PTPRN2: variants seen among roughly 807,000 people sequenced by gnomAD.
PTPRN2 encodes receptor-type tyrosine-protein phosphatase N2.
In PTPRN2, 74 loss-of-function variants were observed where a neutral mutation model predicts 118.8. That is an observed-to-expected ratio of 0.62 (90% CI 0.52 to 0.76). PTPRN2 has a LOEUF of 0.76. Among genes scored for constraint, PTPRN2 ranks in the 30% least tolerant of loss-of-function variants. PTPRN2 has a pLI of 0.00. For missense variants in PTPRN2, 1,481 were observed against 1,394.4 expected (o/e 1.06, Z -0.99); for synonymous variants, 641 against 608.0 (o/e 1.05, Z -0.80).
intron 11 of PTPRN2, among the ~76,000 whole-genome samples, chr7:157,946,154 A>T (rs181894509): frequency 3.3e-5 from 5 of 152,312 alleles, no homozygotes; most frequent in East Asian, 1.9e-4. Flanking sequence ...AGGCAGGATA[A>T]TACGGTCTGG....
chr7:157,601,055 G>C (rs1304097323), intron 16 of PTPRN2, among the ~76,000 whole-genome samples: 2 of 152,232 alleles, frequency 1.3e-5, no homozygotes, highest in Admixed American at 1.3e-4. Flanking sequence ...TGTGTGCTGT[G>C]TTTGAGTGGG....
At chr7:157,836,127 AT>A (rs1235156123) in intron 12 of PTPRN2, among the ~76,000 whole-genome samples, 2 of 152,260 alleles carry the variant, frequency 1.3e-5, no homozygotes, top group Admixed American at 6.5e-5. Context: ...ATAATCAAGT[AT>A]GATAAAATGT....
At chr7:157,973,613 C>T (rs144387133) in intron 11 of PTPRN2, among the ~76,000 whole-genome samples, 1 of 152,296 alleles carries the variant, frequency 6.6e-6, no homozygotes, top group African/African-American at 2.4e-5. Context: ...TATCCTTCTG[C>T]ACAGCAGAGG....
At chr7:158,457,798 GA>G (rs1238219683) in intron 2 of PTPRN2, among the ~76,000 whole-genome samples, 2 of 148,900 alleles carry the variant, frequency 1.3e-5, no homozygotes, top group Non-Finnish European at 2.9e-5. Context: ...AGCGCACGGT[GA>G]GGGGCGTTAA....
intron 12 of PTPRN2, among the ~76,000 whole-genome samples, chr7:157,887,024 C>T (rs78732249): frequency 1.1e-4 from 16 of 140,446 alleles, no homozygotes; most frequent in Middle Eastern, 3.9e-3. Flanking sequence ...AAGCCCACAG[C>T]GGGCCTGTCC....
intron 2 of PTPRN2, among the ~76,000 whole-genome samples, chr7:158,409,116 G>A (rs572077419): frequency 2.6e-5 from 4 of 152,250 alleles, no homozygotes; most frequent in Middle Eastern, 6.8e-3. Flanking sequence ...TTCATGAGAA[G>A]CCCCCGCAGG....
At chr7:158,138,665 G>A in intron 6 of PTPRN2, 150 bp from the exon 7 acceptor site, 2 of 670,014 alleles carry the variant, frequency 3.0e-6, no homozygotes, top group Non-Finnish European at 5.0e-6. Flanking sequence ...AGAGAAGATT[G>A]GGATATTGGA....
intron 11 of PTPRN2, among the ~76,000 whole-genome samples, chr7:157,966,297 C>A (rs1427739145): frequency 6.6e-6 from 1 of 152,108 alleles, no homozygotes; most frequent in Non-Finnish European, 1.5e-5. Flanking sequence ...CATGTCATCA[C>A]CATCACCACC....
chr7:157,755,470 GT>G (rs887850704), intron 12 of PTPRN2, among the ~76,000 whole-genome samples: 80 of 152,256 alleles, frequency 5.3e-4, no homozygotes, highest in African/African-American at 1.8e-3. Context: ...TCACGGGGGG[GT>G]TTGAGAAGTT....
intron 2 of PTPRN2, among the ~76,000 whole-genome samples, chr7:158,399,313 A>T (rs145775446): frequency 0.028 from 4,265 of 152,136 alleles, 85 homozygotes; most frequent in Non-Finnish European, 0.042. Flanking sequence ...ACTGGGAAAA[A>T]TTTTCTCTAT....
At chr7:158,061,148 C>T (rs747964800) in intron 11 of PTPRN2, among the ~76,000 whole-genome samples, 16 of 152,244 alleles carry the variant, frequency 1.1e-4, no homozygotes, top group South Asian at 4.1e-4. Flanking sequence ...AAGAGCAGGC[C>T]GCCGTCGGGC....
intron 12 of PTPRN2, chr7:157,865,695 G>A (rs1307824606): frequency 6.6e-6 from 1 of 152,208 alleles, no homozygotes. Context: ...GTTTCCAGTG[G>A]CCTCTGTGTG....
At chr7:158,296,972 G>T (rs1037325289) in intron 3 of PTPRN2, among the ~76,000 whole-genome samples, 2 of 152,202 alleles carry the variant, frequency 1.3e-5, no homozygotes, top group African/African-American at 4.8e-5. Flanking sequence ...AGCAGTTGGG[G>T]TGGTGGGGCA....
chr7:158,391,351 G>A (rs966400688), intron 2 of PTPRN2, among the ~76,000 whole-genome samples: 3 of 152,162 alleles, frequency 2.0e-5, no homozygotes, highest in Non-Finnish European at 4.4e-5. Flanking sequence ...TCCTGGCCAA[G>A]CTGCACCAGG....
intron 9 of PTPRN2, among the ~76,000 whole-genome samples, chr7:158,128,946 A>AAC (rs113152022): frequency 0.016 from 2,442 of 149,806 alleles, 49 homozygotes; most frequent in African/African-American, 0.043. Context: ...CAGGCAACCA[A>AAC]ACACACACAC....
chr7:158,194,476 T>G (rs1191672389), intron 4 of PTPRN2, among the ~76,000 whole-genome samples: 1 of 152,196 alleles, frequency 6.6e-6, no homozygotes, highest in African/African-American at 2.4e-5. Flanking sequence ...CCCTTCCCGC[T>G]GAGAGCCATG....
At chr7:157,620,655 G>C (rs1307235284) in intron 15 of PTPRN2, among the ~76,000 whole-genome samples, 1 of 152,222 alleles carries the variant, frequency 6.6e-6, no homozygotes, top group African/African-American at 2.4e-5. Flanking sequence ...GAGAACAATA[G>C]AGCTGATGCT....
In PTPRN2 at chr7:157,870,166, A is replaced by C. The variant is rs188387641; in HGVS notation, c.1788+28507T>G. On this transcript the variant is annotated intron_variant, in intron 12 of 22. Coordinates refer to ENST00000389418, the MANE Select transcript of PTPRN2 (RefSeq NM_002847.5). ...TGGTTTTGGAACCCATGGAGTGGAA[A>C]GTTTGCTCAACTTTAATTTTCCAGC... Among the ~76,000 whole-genome samples, 5 of 152,268 alleles carry C rather than the reference A, an allele frequency of 3.3e-5. No individual in the cohort carries two copies. The East Asian group carries it at 9.6e-4, about 29-fold the overall frequency.
chr7:158,045,466 C>T (rs1264113509), intron 11 of PTPRN2, among the ~76,000 whole-genome samples: 2 of 152,176 alleles, frequency 1.3e-5, no homozygotes, highest in Admixed American at 6.5e-5. Context: ...ATTCTAAATA[C>T]TCACATCCAT....
Sources: allele counts gnomAD v4.1 joint callset (sites outside exome capture counted in the v4.1 genomes callset), GRCh38; gene constraint gnomAD v4.1.1; transcripts MANE v1.5; gene names NCBI Gene and HGNC (gene_info 2026-07-23, HGNC 2026-07-21).